The following SP1 variants were observed in gnomAD, a reference collection of about 807,000 sequenced individuals.
The protein encoded by SP1 is transcription factor Sp1.
A neutral mutation model predicts 66.3 loss-of-function variants in SP1; 6 were observed. That is an observed-to-expected ratio of 0.09 (90% confidence interval 0.05 to 0.18). The LOEUF (loss-of-function observed/expected upper bound fraction) is 0.18, where lower values mean the gene tolerates loss of function less well. SP1 is among the 10% of genes least tolerant of loss of function. The pLI is 1.00. For synonymous variants in SP1, 417 were observed against 360.8 expected (o/e 1.16, Z -1.77); for missense variants, 848 against 964.5 (o/e 0.88, Z 1.60).
At chr12:53,385,077 C>G (rs1027197224) in intron 3 of SP1, among the ~76,000 whole-genome samples, 1 of 142,462 alleles carries the variant, frequency 7.0e-6, no homozygotes, top group South Asian at 2.2e-4. Context: ...GGTGGGTCAC[C>G]TGAGGTCAGG....
chr12:53,389,634 C>A (rs1440596198), intron 3 of SP1, among the ~76,000 whole-genome samples: 1 of 151,914 alleles, frequency 6.6e-6, no homozygotes, highest in East Asian at 1.9e-4. Flanking sequence ...ATTGACACCC[C>A]TCCCTCTTTT....
chr12:53,400,812 A>G (rs939418819), intron 3 of SP1, among the ~76,000 whole-genome samples: 1 of 139,258 alleles, frequency 7.2e-6, no homozygotes, highest in Non-Finnish European at 1.5e-5. Context: ...CCCAGGCTGC[A>G]GTGAAGTGGC....
intron 4 of SP1, 64 bp downstream of exon 4, chr12:53,406,817 G>A (rs1321423054): frequency 7.8e-6 from 11 of 1,406,472 alleles, no homozygotes; most frequent in African/African-American, 3.2e-5. Context: ...GAGATAAGAG[G>A]AAGAAGATTA....
intron 3 of SP1, among the ~76,000 whole-genome samples, chr12:53,399,261 G>A (rs1293310908): frequency 1.3e-5 from 2 of 151,910 alleles, no homozygotes; most frequent in African/African-American, 4.8e-5. Flanking sequence ...GTTTTTTTGA[G>A]CCTTAGCCTC....
intron 3 of SP1, among the ~76,000 whole-genome samples, chr12:53,398,533 T>C (rs1311756980): frequency 6.6e-6 from 1 of 152,218 alleles, no homozygotes; most frequent in Non-Finnish European, 1.5e-5. Flanking sequence ...TTCACCCTCC[T>C]TGGCCTCCCA....
At chr12:53,407,737 C>T (rs1314591875) in intron 4 of SP1, among the ~76,000 whole-genome samples, 6 of 151,372 alleles carry the variant, frequency 4.0e-5, no homozygotes, top group African/African-American at 1.5e-4. Flanking sequence ...CCTGGGTTCA[C>T]GCCATTCTCC....
At chr12:53,391,564 C>T (rs1238270437) in intron 3 of SP1, among the ~76,000 whole-genome samples, 1 of 151,954 alleles carries the variant, frequency 6.6e-6, no homozygotes, top group Non-Finnish European at 1.5e-5. Flanking sequence ...ACCTTGGTTT[C>T]CACCCGCCTC....
intron 3 of SP1, among the ~76,000 whole-genome samples, chr12:53,388,803 T>G (rs1250962686): frequency 6.6e-6 from 1 of 151,546 alleles, no homozygotes; most frequent in Non-Finnish European, 1.5e-5. Flanking sequence ...AACATAGGGA[T>G]CCCCCATCTC....
At chr12:53,396,148 G>A (rs1470691079) in intron 3 of SP1, among the ~76,000 whole-genome samples, 1 of 151,362 alleles carries the variant, frequency 6.6e-6, no homozygotes, top group East Asian at 2.0e-4. Flanking sequence ...GGGTGTGGTG[G>A]CAGGCACCTG....
rs913612840 is a variant in SP1 at position 53,413,703 on chromosome 12, A to T, written c.*2463A>T. The T allele has an allele frequency of 1.3e-5, 2 of 152,582 alleles. No homozygotes were observed. The highest frequency in any genetic ancestry group is 6.6e-5 in the Admixed American group (1 of 15,254). 9.5% of individuals were successfully genotyped at this position (152,582 alleles called of 1,614,324 possible). A position where few individuals can be genotyped will look rare whatever the true frequency, so the allele number is the denominator to read the frequency against. ...TGTACTTTGGCATCTTTTGGAGGAA[A>T]GGGGCAGGATAACTCACTGGAATGT... On this transcript the variant is annotated 3_prime_UTR_variant, in exon 6 of 6. Transcript: ENST00000327443.
rs1441030627 is a variant in SP1 at position 53,401,444 on chromosome 12, T to TC, written c.1676-5139dup. ...CCAGCCTGGGCGACAAGAGCAAGACTCCATCTATCTGGGAAAAAAAAAAAA... is the reference window on the plus strand; with the variant it reads ...CCAGCCTGGGCGACAAGAGCAAGACTCCCATCTATCTGGGAAAAAAAAAAAA... On this transcript the variant is annotated intron_variant, in intron 3 of 5. Transcript: ENST00000327443. Among the ~76,000 whole-genome samples, 4 of 117,976 alleles carry TC rather than the reference T, an allele frequency of 3.4e-5. No individual in the cohort carries two copies. The East Asian group carries it at 7.8e-4, about 23-fold the overall frequency. The allele number at this position is 117,976 out of a possible 152,430, so 77.4% of individuals were successfully genotyped here. A position where few individuals can be genotyped will look rare whatever the true frequency, so the allele number is the denominator to read the frequency against.
chr12:53,409,695 G>A (rs1423084634), intron 5 of SP1, 134 bp downstream of exon 5: 3 of 767,812 alleles, frequency 3.9e-6, no homozygotes, highest in Non-Finnish European at 4.2e-6. Flanking sequence ...TGGAATTGGA[G>A]TTAATCTGGA....
In SP1 at chr12:53,382,758, A is replaced by G; in HGVS notation, c.811A>G (p.Ser271Gly). 6.2e-7 allele frequency: 1 copy of G among 1,614,196 alleles called. No homozygotes were observed. Among genetic ancestry groups the G allele is most frequent in the Non-Finnish European group, 8.5e-7 (1 of 1,180,036 alleles). The change falls in exon 3 of 6, where the codon AGC becomes GGC. Residue 271 changes from serine (S) to glycine (G), a missense_variant. Ser to Gly is a moderately conservative substitution (Grantham distance 56). Transcript: ENST00000327443. ...GAACATCACCTTGCTACCTGTCAACAGCGTTTCTGCAGCTACCTTGACTCC... is the reference window on the plus strand; with the variant it reads ...GAACATCACCTTGCTACCTGTCAACGGCGTTTCTGCAGCTACCTTGACTCC... ...NGNITLLPVN[S>G]VSAATLTPSS...
chr12:53,408,911 A>C (rs1432785116), intron 4 of SP1, among the ~76,000 whole-genome samples: 3 of 143,204 alleles, frequency 2.1e-5, no homozygotes, highest in East Asian at 2.2e-4. Flanking sequence ...GTCTCAAAAC[A>C]AACAAACGAA....
intron 2 of SP1, 44 bp downstream of exon 2, chr12:53,381,857 A>T (rs752431167): frequency 6.4e-7 from 1 of 1,573,084 alleles, no homozygotes; most frequent in Non-Finnish European, 8.6e-7. Context: ...AGAAGATGTA[A>T]ATATTCTTAG....
chr12:53,392,659 AT>A (rs1337134224), intron 3 of SP1, among the ~76,000 whole-genome samples: 40 of 140,922 alleles, frequency 2.8e-4, no homozygotes, highest in African/African-American at 1.0e-3. Flanking sequence ...GCCCGGCCTA[AT>A]TTTTTTGTAT....
intron 4 of SP1, among the ~76,000 whole-genome samples, chr12:53,408,583 A>G (rs1053692774): frequency 6.7e-6 from 1 of 148,702 alleles, no homozygotes; most frequent in Non-Finnish European, 1.5e-5. Context: ...GGCGTGAGCC[A>G]TCACTCCCAG....
At chr12:53,409,759 C>T (rs1938835442) in intron 5 of SP1, among the ~76,000 whole-genome samples, 198 bp downstream of exon 5, 1 of 152,202 alleles carries the variant, frequency 6.6e-6, no homozygotes, top group South Asian at 2.1e-4. Context: ...CCTGTAATCC[C>T]AGCACTTTTG....
At chr12:53,401,282 C>A (rs1938604571) in intron 3 of SP1, among the ~76,000 whole-genome samples, 1 of 151,684 alleles carries the variant, frequency 6.6e-6, no homozygotes, top group African/African-American at 2.4e-5. Context: ...GAAACCCTGT[C>A]TCTACTAAAA....
Sources: allele counts gnomAD v4.1 joint callset (sites outside exome capture counted in the v4.1 genomes callset), GRCh38; gene constraint gnomAD v4.1.1; transcripts MANE v1.5; gene names NCBI Gene and HGNC (gene_info 2026-07-23, HGNC 2026-07-21).